MARK2: variants seen among roughly 807,000 people sequenced by gnomAD.
MARK2 encodes the protein microtubule affinity regulating kinase 2, also known as serine/threonine-protein kinase MARK2.
In MARK2, 16 loss-of-function variants were observed where a neutral mutation model predicts 89.8. The ratio of observed to expected loss-of-function variants is 0.18; its 90% confidence interval spans 0.12 to 0.27. The LOEUF is 0.27. MARK2 is among the 10% of genes least tolerant of loss of function. The pLI is 1.00. For synonymous variants in MARK2, 382 were observed against 399.5 expected, an observed-to-expected ratio of 0.96 and a Z score of 0.52; for missense variants, 621 against 1,049.9, an observed-to-expected ratio of 0.59 and a Z score of 5.65.
At chr11:63,860,210 C>A (rs138619062) in intron 1 of MARK2, among the ~76,000 whole-genome samples, 3 of 152,126 alleles carry the variant, frequency 2.0e-5, no homozygotes, top group African/African-American at 4.8e-5. Context: ...AAATAATAGA[C>A]CTTGGGCCTC....
At chr11:63,860,277 G>C (rs1286248565) in intron 1 of MARK2, among the ~76,000 whole-genome samples, 1 of 152,088 alleles carries the variant, frequency 6.6e-6, no homozygotes, top group Non-Finnish European at 1.5e-5. Flanking sequence ...ATGTCGGCTG[G>C]GTGCAGTGGC....
chr11:63,845,991 G>C (rs1163920875), intron 1 of MARK2, among the ~76,000 whole-genome samples: 2 of 151,412 alleles, frequency 1.3e-5, no homozygotes, highest in African/African-American at 4.9e-5. Context: ...TCAAAGTACT[G>C]GGATTACAGG....
intron 17 of MARK2, among the ~76,000 whole-genome samples, chr11:63,908,020 G>A (rs1197038556): frequency 6.6e-6 from 1 of 152,232 alleles, no homozygotes; most frequent in African/African-American, 2.4e-5. Flanking sequence ...CACAGATCTG[G>A]GAATGTGGGG....
At chr11:63,842,815 T>C (rs2016087902) in intron 1 of MARK2, among the ~76,000 whole-genome samples, 1 of 152,184 alleles carries the variant, frequency 6.6e-6, no homozygotes, top group Non-Finnish European at 1.5e-5. Flanking sequence ...ACTGGTTGTC[T>C]CCAGTCTCTT....
intron 1 of MARK2, among the ~76,000 whole-genome samples, chr11:63,879,321 T>TA (rs1202898425): frequency 1.3e-5 from 2 of 152,014 alleles, no homozygotes; most frequent in Admixed American, 6.6e-5. Flanking sequence ...AAAAAACATT[T>TA]AAAAAATCAC....
At chr11:63,872,142 C>T (rs1285050936) in intron 1 of MARK2, among the ~76,000 whole-genome samples, 6 of 152,174 alleles carry the variant, frequency 3.9e-5, no homozygotes, top group African/African-American at 9.7e-5. Context: ...GCCATTCCTC[C>T]GGCCACTCCT....
At chr11:63,879,568 C>T (rs1286953764) in intron 1 of MARK2, among the ~76,000 whole-genome samples, 1 of 151,688 alleles carries the variant, frequency 6.6e-6, no homozygotes, top group African/African-American at 2.4e-5. Context: ...GTGCCCTCTC[C>T]TGCTTGGTTT....
rs1383536237 is a variant in MARK2, at chr11:63,902,581, C to T, written c.1235-20C>T. The T allele has an allele frequency of 6.2e-7, 1 of 1,609,702 alleles. No individual in the cohort carries two copies. Among genetic ancestry groups the T allele is most frequent in the Non-Finnish European group, 8.5e-7 (1 of 1,177,252 alleles). Reference sequence around the variant, plus strand: ...GTGGACCCCTTGGCCTTACCCATTCCCATCCTCCCTCTGGCCCAGCAGCTG... The same window carrying T: ...GTGGACCCCTTGGCCTTACCCATTCTCATCCTCCCTCTGGCCCAGCAGCTG... On this transcript the variant is annotated intron_variant, in intron 12 of 18. Coordinates refer to ENST00000402010, the MANE Select transcript of MARK2 (RefSeq NM_001039469.3). This position sits in a 1 kb window ranked among gnomAD's most constrained non-coding sequence, Gnocchi z 4.2.
intron 2 of MARK2, 75 bp downstream of exon 2, chr11:63,895,413 T>C (rs565878320): frequency 1.5e-4 from 233 of 1,509,594 alleles, no homozygotes; most frequent in Middle Eastern, 6.9e-4. Context: ...ATGGGACTAC[T>C]ACTGCAGCCA....
At chr11:63,859,180 A>G (rs138606494) in intron 1 of MARK2, among the ~76,000 whole-genome samples, 1 of 152,144 alleles carries the variant, frequency 6.6e-6, no homozygotes, top group Non-Finnish European at 1.5e-5. Context: ...GGTGCCTACA[A>G]TAGCTGAGAG....
At chr11:63,882,909 C>T (rs1384183458) in intron 1 of MARK2, among the ~76,000 whole-genome samples, 5 of 152,156 alleles carry the variant, frequency 3.3e-5, no homozygotes, top group Non-Finnish European at 7.4e-5. Flanking sequence ...TGCTGCCTCC[C>T]CACAGTCCTC....
At chr11:63,856,957 G>A (rs570318162) in intron 1 of MARK2, among the ~76,000 whole-genome samples, 43 of 150,698 alleles carry the variant, frequency 2.9e-4, no homozygotes, top group African/African-American at 1.0e-3. Flanking sequence ...GACTACAGGC[G>A]CCCCCCACCA....
At chr11:63,850,162 T>TTTG (rs1554973168) in intron 1 of MARK2, 11,648 of 151,672 alleles carry the variant, frequency 0.077, 588 homozygotes, top group South Asian at 0.22. Flanking sequence ...TTGTTTGTTT[T>TTTG]TTTGAGATGG....
At chr11:63,859,319 C>CTT (rs533265241) in intron 1 of MARK2, among the ~76,000 whole-genome samples, 2 of 141,774 alleles carry the variant, frequency 1.4e-5, no homozygotes, top group Non-Finnish European at 1.5e-5. Flanking sequence ...CTGTTTATTT[C>CTT]TTTTTTTTTT....
intron 11 of MARK2, among the ~76,000 whole-genome samples, chr11:63,901,575 T>C (rs1283087540): frequency 5.9e-5 from 8 of 136,122 alleles, no homozygotes; most frequent in South Asian, 5.1e-4. Context: ...GCCTCCCGGG[T>C]TCAAGCGATT....
intron 1 of MARK2, among the ~76,000 whole-genome samples, chr11:63,867,777 G>A (rs1048240985): frequency 2.0e-5 from 3 of 152,072 alleles, no homozygotes; most frequent in African/African-American, 4.8e-5. Context: ...GCAGGCATCC[G>A]CATTCATGGA....
At chr11:63,869,022 G>A (rs74813963) in intron 1 of MARK2, 5,176 of 364,238 alleles carry the variant, frequency 0.014, 183 homozygotes, top group African/African-American at 0.079. Context: ...TGTGAGTGAG[G>A]GAAGAGTGAG....
intron 1 of MARK2, among the ~76,000 whole-genome samples, chr11:63,877,050 TCTG>T: frequency 6.6e-6 from 1 of 151,808 alleles, no homozygotes; most frequent in East Asian, 1.9e-4. Context: ...GCCCAGGTCT[TCTG>T]CTGCCTTGGG....
Position 63,902,054 on chromosome 11 carries a change from A to T in MARK2, c.1102-144A>T. 1 of 748,982 alleles carries T rather than the reference A, an allele frequency of 1.3e-6. No individual in the cohort carries two copies. Among genetic ancestry groups the T allele is most frequent in the Non-Finnish European group, 2.2e-6 (1 of 462,910 alleles). 46.4% of individuals were successfully genotyped at this position (748,982 alleles called of 1,614,324 possible). On this transcript the variant is annotated intron_variant, in intron 11 of 18. Transcript: ENST00000402010. This position sits in a 1 kb window ranked among gnomAD's most constrained non-coding sequence, Gnocchi z 4.2. ...GTCTCCAGGGTCTCCTCCAGGGGGGATGTATTGGTCTTACAAGTGGATGTC... is the reference window on the plus strand; with the variant it reads ...GTCTCCAGGGTCTCCTCCAGGGGGGTTGTATTGGTCTTACAAGTGGATGTC...
Sources: gnomAD v4.1 joint callset for allele counts (sites outside exome capture counted in the v4.1 genomes callset) on GRCh38, gnomAD v4.1.1 for gene constraint, Gnocchi (gnomAD v3.1) non-coding constraint, MANE v1.5 for transcripts, NCBI Gene and HGNC (gene_info 2026-07-23, HGNC 2026-07-21) for gene names.